Variants in ETS2 observed in about 807,000 individuals in gnomAD.
The protein encoded by ETS2 is protein C-ets-2.
In ETS2, 19 loss-of-function variants were observed where a neutral mutation model predicts 54.9. The ratio of observed to expected loss-of-function variants is 0.35; its 90% confidence interval spans 0.24 to 0.51. ETS2 has a LOEUF of 0.51. Ranked by LOEUF, ETS2 falls within the 20% of genes least tolerant of loss-of-function variation. ETS2 has a pLI of 0.97. For synonymous variants in ETS2, 219 were observed against 229.3 expected (o/e 0.95, Z 0.41); for missense variants, 417 against 593.0 (o/e 0.70, Z 3.08).
At chr21:38,811,418 T>C (rs1308705600) in intron 2 of ETS2, among the ~76,000 whole-genome samples, 4 of 152,226 alleles carry the variant, frequency 2.6e-5, no homozygotes, top group African/African-American at 9.6e-5. Flanking sequence ...CTCCAGCCTC[T>C]GCCTGCCCTC....
rs3819590 is a variant in ETS2, at chr21:38,816,294, C to T, written c.506-714C>T. ...AACAGCTAACTTTTTTTAGTTACGG[C>T]GTCTGAGGGCCAGGGAAACTCATTT... On this transcript the variant is annotated intron_variant, in intron 5 of 9. Transcript: ENST00000360938. Among the ~76,000 whole-genome samples the T allele has an allele frequency of 8.6e-5, 13 of 151,926 alleles. No homozygotes were observed. The East Asian group carries it at 1.6e-3, about 18-fold the overall frequency.
upstream of ETS2, chr21:38,805,700 C>T (rs2060889129): frequency 4.4e-6 from 5 of 1,130,274 alleles, no homozygotes; most frequent in Admixed American, 1.8e-4. The surrounding 1 kb of genome is among the most constrained non-coding windows in gnomAD (Gnocchi z 5.2). Flanking sequence ...GTTCCCTCTC[C>T]TCTCCCTCCG....
chr21:38,805,462 T>C (rs776981568), upstream of ETS2: 263 of 1,288,352 alleles, frequency 2.0e-4, no homozygotes, highest in South Asian at 1.2e-3. This position sits in a 1 kb window ranked among gnomAD's most constrained non-coding sequence, Gnocchi z 5.2. Flanking sequence ...GTTAGGGCCT[T>C]GGCCCCAGAG....
In ETS2 at chr21:38,806,568, G is replaced by T; in HGVS notation, c.-1+448G>T. On this transcript the variant is annotated intron_variant, in intron 1 of 9. Coordinates refer to ENST00000360938, the MANE Select transcript of ETS2 (RefSeq NM_005239.6). This position sits in a 1 kb window ranked among gnomAD's most constrained non-coding sequence, Gnocchi z 4.3. ...AGGTGGCCTGGCGCCCCGGCTTTGA[G>T]GGTGACTTCCTGGAGCGGCGCCGGG... is the stretch of plus-strand genomic sequence containing the variant. 1 of 985,460 alleles carries T rather than the reference G, an allele frequency of 1.0e-6. No homozygotes were observed. The highest frequency in any genetic ancestry group is 1.2e-6 in the Non-Finnish European group (1 of 829,968). The allele number at this position is 985,460 out of a possible 1,614,324, so 61.0% of individuals were successfully genotyped here.
chr21:38,810,160 AG>A, intron 2 of ETS2, 54 bp downstream of exon 2: 1 of 1,138,812 alleles, frequency 8.8e-7, no homozygotes, highest in Middle Eastern at 2.0e-4. Context: ...GATCTCTAGG[AG>A]GAAAGAAAAA....
In ETS2 at chr21:38,823,248, T is replaced by C. The variant is rs1197408976; in HGVS notation, c.*359T>C. 2 of 172,354 alleles carry C rather than the reference T, an allele frequency of 1.2e-5. No homozygotes were observed. Among genetic ancestry groups the C allele is most frequent in the Non-Finnish European group, 2.4e-5 (2 of 81,716 alleles). The allele number at this position is 172,354 out of a possible 1,614,324, so 10.7% of individuals were successfully genotyped here. On this transcript the variant is annotated 3_prime_UTR_variant, in exon 10 of 10. Transcript: ENST00000360938. ...ACACAGACTATTTTTAGATTTTCTT[T>C]TGCCTTTTGCAACCAGGAACAGCAA...
At chr21:38,820,523 G>A (rs892416154) in intron 8 of ETS2, among the ~76,000 whole-genome samples, 4 of 151,872 alleles carry the variant, frequency 2.6e-5, no homozygotes, top group African/African-American at 9.7e-5. Flanking sequence ...TGGGAGTTTA[G>A]GGCCTGAGAA....
In ETS2 at chr21:38,822,745, C is replaced by G; in HGVS notation, c.1266C>G (p.Arg422=). 1 of 1,614,234 alleles carries G rather than the reference C, an allele frequency of 6.2e-7. No individual in the cohort carries two copies. The highest frequency in any genetic ancestry group is 8.5e-7 in the Non-Finnish European group (1 of 1,180,032). ...MNYEKLSRGL[R]YYYDKNIIHK... is the part of the protein sequence containing the mutation. Reference sequence around the variant, plus strand: ...ACGAGAAGCTGAGCCGGGGCTTACGCTACTATTACGACAAGAACATCATCC... The same window carrying G: ...ACGAGAAGCTGAGCCGGGGCTTACGGTACTATTACGACAAGAACATCATCC... The change falls in exon 10 of 10, where the codon CGC becomes CGG. Residue 422 remains arginine (R), a synonymous_variant. Coordinates refer to ENST00000360938, the MANE Select transcript of ETS2 (RefSeq NM_005239.6).
chr21:38,822,841 C>G lies in ETS2; in HGVS notation c.1362C>G (p.Pro454=). Residue 454 remains proline, a synonymous_variant, in exon 10 of 10, where the codon CCC becomes CCG. Coordinates refer to ENST00000360938, the MANE Select transcript of ETS2 (RefSeq NM_005239.6). The part of the protein sequence containing the change: ...CDLQNLLGFT[P]EELHAILGVQ... ...TCCAGAACTTGCTGGGGTTCACGCC[C>G]GAGGAACTGCACGCCATCCTGGGCG... 6.2e-7 allele frequency: 1 copy of G among 1,608,130 alleles called. No individual in the cohort carries two copies. Among genetic ancestry groups the G allele is most frequent in the Non-Finnish European group, 8.5e-7 (1 of 1,175,758 alleles).
upstream of ETS2, chr21:38,805,241 C>A: frequency 6.6e-6 from 6 of 908,904 alleles, no homozygotes; most frequent in South Asian, 8.8e-5. This position sits in a 1 kb window ranked among gnomAD's most constrained non-coding sequence, Gnocchi z 5.2. Flanking sequence ...ATCAGCACCA[C>A]GACTCGGGGA....
chr21:38,813,013 C>A lies in ETS2; in HGVS notation c.83C>A (p.Ala28Asp), dbSNP rs1288008218. The change falls in exon 3 of 10, where the codon GCC becomes GAC. Residue 28 changes from alanine (A) to aspartate (D), a missense_variant. By Grantham distance (126) the Ala-to-Asp change is moderately radical. Transcript: ENST00000360938. ...CATCTGTTTTTGCAGCGCCAGCCAGCCTTTGACACCTTTGATGGGTCCCTG... is the reference window on the plus strand; with the variant it reads ...CATCTGTTTTTGCAGCGCCAGCCAGACTTTGACACCTTTGATGGGTCCCTG... ...SYRGTLKRQP[A>D]FDTFDGSLFA... The A allele has an allele frequency of 1.2e-6, 2 of 1,612,858 alleles. No homozygotes were observed. Among genetic ancestry groups the A allele is most frequent in the African/African-American group, 1.3e-5 (1 of 74,888 alleles).
At chr21:38,818,297 C>G in intron 6 of ETS2, 128 bp from the exon 7 acceptor site, 1 of 1,263,610 alleles carries the variant, frequency 7.9e-7, no homozygotes, top group Non-Finnish European at 1.1e-6. Context: ...CACCAAAGCC[C>G]GGGTCTCCAC....
chr21:38,820,551 G>A (rs753599342), intron 8 of ETS2, among the ~76,000 whole-genome samples: 5 of 152,294 alleles, frequency 3.3e-5, no homozygotes, highest in Non-Finnish European at 5.9e-5. Context: ...CAGCCATAAC[G>A]TTAGTGTGGT....
chr21:38,819,625 G>C lies in ETS2; in HGVS notation c.934G>C (p.Glu312Gln). The change falls in exon 8 of 10, where the codon GAG (glutamate) becomes CAG (glutamine). Residue 312 changes from glutamate to glutamine, a missense_variant. This residue lies in a region of ETS2 where 326 missense variants were observed against 426.1 expected (regional missense o/e 0.76). Transcript: ENST00000360938. ...LLDVQRVPSFESFEDDCSQSL... is the reference protein window; with the variant it reads ...LLDVQRVPSFQSFEDDCSQSL... ...GGATGTGCAACGGGTTCCTTCCTTC[G>C]AGAGCTTCGAAGATGACTGCAGCCA... The C allele has an allele frequency of 6.2e-7, 1 of 1,614,176 alleles. No homozygotes were observed. The highest frequency in any genetic ancestry group is 8.5e-7 in the Non-Finnish European group (1 of 1,180,026).
At chr21:38,818,364 G>T in intron 6 of ETS2, 61 bp from the exon 7 acceptor site, 1 of 1,609,786 alleles carries the variant, frequency 6.2e-7, no homozygotes, top group African/African-American at 1.3e-5. Context: ...TTGCTCGTAG[G>T]GGTTAGTTAC....
chr21:38,819,757 G>A lies in ETS2; in HGVS notation c.1066G>A (p.Gly356Ser), dbSNP rs757163141. Reference protein sequence around the residue: ...KPVIPAAVLAGFTGSGPIQLW... With the variant: ...KPVIPAAVLASFTGSGPIQLW... ...AGTTATACCTGCAGCTGTGCTGGCC[G>A]GCTTCACAGGTGTGTGTGGAACTCC... Residue 356 changes from glycine (G) to serine (S), a missense_variant, in exon 8 of 10, where the codon GGC (glycine) becomes AGC (serine). This residue lies in a region of ETS2 where 60 missense variants were observed against 134.1 expected (regional missense o/e 0.45). Transcript: ENST00000360938. The A allele has an allele frequency of 2.9e-5, 46 of 1,612,612 alleles. No homozygotes were observed. The highest frequency in any genetic ancestry group is 6.7e-5 in the Admixed American group (4 of 59,946).
chr21:38,818,706 A>T, intron 7 of ETS2, 60 bp downstream of exon 7: 1 of 1,569,822 alleles, frequency 6.4e-7, no homozygotes, highest in Non-Finnish European at 8.7e-7. Context: ...CCCCAGAGCC[A>T]TAATGAACCT....
chr21:38,805,832 GT>G (rs2060889731), upstream of ETS2: 4 of 913,738 alleles, frequency 4.4e-6, no homozygotes, highest in Admixed American at 9.1e-5. This position sits in a 1 kb window ranked among gnomAD's most constrained non-coding sequence, Gnocchi z 5.2. Context: ...CTCCTCCCTC[GT>G]TTCCTCCCCT....
intron 6 of ETS2, 98 bp from the exon 7 acceptor site, chr21:38,818,327 G>A: frequency 6.5e-7 from 1 of 1,535,988 alleles, no homozygotes; most frequent in Admixed American, 1.7e-5. Flanking sequence ...GCAGAGGGCT[G>A]GAGTGTGCGG....
Sources: gnomAD v4.1 joint callset for allele counts (sites outside exome capture counted in the v4.1 genomes callset) on GRCh38, gnomAD v4.1.1 for gene constraint, gnomAD v4.1.1 regional missense constraint, Gnocchi (gnomAD v3.1) non-coding constraint, MANE v1.5 for transcripts, NCBI Gene and HGNC (gene_info 2026-07-23, HGNC 2026-07-21) for gene names.